The following EXOSC4 variants were observed in gnomAD, a reference collection of about 807,000 sequenced individuals.
The protein encoded by EXOSC4 is exosome complex component RRP41.
EXOSC4 carries 14 observed loss-of-function variants against 20.0 expected under a neutral mutation model. The ratio of observed to expected loss-of-function variants is 0.70; its 90% confidence interval spans 0.46 to 1.09. EXOSC4 has a LOEUF of 1.09. Ranked by LOEUF, EXOSC4 falls within the 50% of genes least tolerant of loss-of-function variation. EXOSC4 has a pLI of 0.00. For synonymous variants in EXOSC4, 148 were observed against 146.4 expected, an observed-to-expected ratio of 1.01 and a Z score of -0.08; for missense variants, 337 against 334.0, an observed-to-expected ratio of 1.01 and a Z score of -0.07.
chr8:144,075,095 T>C (rs1307254359), upstream of EXOSC4, among the ~76,000 whole-genome samples: 3 of 151,482 alleles, frequency 2.0e-5, no homozygotes, highest in Non-Finnish European at 2.9e-5. Flanking sequence ...CAGGGTCTCA[T>C]TCTGTTGCCC....
rs782256108 is a variant in EXOSC4, at chr8:144,080,185, G to C, written c.378+36G>C. ...TGCAGCCGTCAATCCAGGGAGGGAAGGGTGTGATGGGGTTGGGGAGGGAGT... is the reference window on the plus strand; with the variant it reads ...TGCAGCCGTCAATCCAGGGAGGGAACGGTGTGATGGGGTTGGGGAGGGAGT... On this transcript the variant is annotated intron_variant, in intron 2 of 2. Coordinates refer to ENST00000316052, the MANE Select transcript of EXOSC4 (RefSeq NM_019037.3). The surrounding 1 kb of genome is among the most constrained non-coding windows in gnomAD (Gnocchi z 4.9). 3 of 1,607,796 alleles carry C rather than the reference G, an allele frequency of 1.9e-6. No individual in the cohort carries two copies. In the African/African-American group the frequency reaches 4.0e-5, roughly 21 times the overall value.
At position 144,078,927 on chromosome 8, in the gene EXOSC4, G is replaced by T. The variant is rs782711160; in HGVS notation, c.171+28G>T. ...GAGTGGGCGCGCGGGATGGGGAATC[G>T]TGTGGCCGTGGGAGCTGCGGGGCAG... On this transcript the variant is annotated intron_variant, in intron 1 of 2. Transcript: ENST00000316052. This position sits in a 1 kb window ranked among gnomAD's most constrained non-coding sequence, Gnocchi z 4.7. The T allele has an allele frequency of 1.4e-6, 2 of 1,449,322 alleles. No individual in the cohort carries two copies. Among genetic ancestry groups the T allele is most frequent in the African/African-American group, 2.9e-5 (2 of 67,944 alleles). 89.8% of individuals were successfully genotyped at this position (1,449,322 alleles called of 1,614,324 possible).
At chr8:144,065,531 C>T in the EXOSC4 span, among the ~76,000 whole-genome samples, 1 of 151,910 alleles carries the variant, frequency 6.6e-6, no homozygotes, top group Non-Finnish European at 1.5e-5. Context: ...GAGTTCGAGA[C>T]CAACCTGGCC....
In EXOSC4 at chr8:144,080,525, C is replaced by T. The variant is rs1554763355; in HGVS notation, c.662C>T (p.Ala221Val). The change falls in exon 3 of 3, where the codon GCC (alanine) becomes GTC (valine). Residue 221 changes from alanine (A) to valine (V), a missense_variant. Ala to Val is a moderately conservative substitution (Grantham distance 64). Transcript: ENST00000316052. The surrounding 1 kb of genome is among the most constrained non-coding windows in gnomAD (Gnocchi z 4.9). ...ERVLEAAAQA[A>V]RDVHTLLDRV... is the part of the protein sequence containing the mutation. ...GTGTTGGAGGCTGCTGCCCAGGCTG[C>T]CCGAGATGTGCACACCCTCTTAGAT... 6.2e-7 allele frequency: 1 copy of T among 1,603,462 alleles called. No homozygotes were observed. The highest frequency in any genetic ancestry group is 8.5e-7 in the Non-Finnish European group (1 of 1,179,980).
the EXOSC4 span, among the ~76,000 whole-genome samples, chr8:144,064,840 C>CTTTTTT: frequency 7.3e-6 from 1 of 136,696 alleles, no homozygotes; most frequent in Non-Finnish European, 1.6e-5. Context: ...TCCAATCTGT[C>CTTTTTT]TTTTTTTTTT....
chr8:144,074,616 C>T (rs1405800557), upstream of EXOSC4, among the ~76,000 whole-genome samples: 1 of 152,080 alleles, frequency 6.6e-6, no homozygotes, highest in Non-Finnish European at 1.5e-5. Flanking sequence ...GTGGTATGGG[C>T]AGGAGTACCG....
upstream of EXOSC4, among the ~76,000 whole-genome samples, chr8:144,076,497 G>A (rs1044719052): frequency 3.9e-5 from 6 of 152,114 alleles, no homozygotes; most frequent in Non-Finnish European, 7.4e-5. Context: ...GCTGGAGTAC[G>A]AGGGTCAGAG....
chr8:144,078,986 C>T lies in EXOSC4; in HGVS notation c.171+87C>T. 4 of 1,302,052 alleles carry T rather than the reference C, an allele frequency of 3.1e-6. No individual in the cohort carries two copies. Among genetic ancestry groups the T allele is most frequent in the South Asian group, 3.9e-5 (2 of 51,818 alleles). 80.7% of individuals were successfully genotyped at this position (1,302,052 alleles called of 1,614,324 possible). A position where few individuals can be genotyped will look rare whatever the true frequency, so the allele number is the denominator to read the frequency against. On this transcript the variant is annotated intron_variant, in intron 1 of 2. Coordinates refer to ENST00000316052, the MANE Select transcript of EXOSC4 (RefSeq NM_019037.3). The surrounding 1 kb of genome is among the most constrained non-coding windows in gnomAD (Gnocchi z 4.7). ...AGCGCTGGCTCGGGGACTTGAGGGG[C>T]AACGGCCGGCGCGCCTCAGTCTACA...
chr8:144,079,594 A>C, intron 1 of EXOSC4: 4 of 402,758 alleles, frequency 9.9e-6, no homozygotes, highest in Admixed American at 6.6e-5. Context: ...GTGAGGACTT[A>C]GGGTTTTGTA....
intron 1 of EXOSC4, 64 bp from the exon 2 acceptor site, chr8:144,079,879 A>G (rs1228044520): frequency 6.6e-7 from 1 of 1,505,526 alleles, no homozygotes; most frequent in African/African-American, 1.4e-5. Flanking sequence ...AGGCAGACCC[A>G]CAGAGGACAG....
chr8:144,080,599 T>C lies in EXOSC4; in HGVS notation c.736T>C (p.Ter246ArgextTer9), dbSNP rs1835892475. ...VREASILLGD[*>R] is the part of the protein sequence containing the mutation. ...TGAGGCCTCTATCTTGCTGGGGGAC[T>C]GACCACCCAGCCACCCATGTCCAGA... is the stretch of plus-strand genomic sequence containing the variant. Residue 246 changes from the stop codon to arginine (R), a stop_lost, in exon 3 of 3, where the codon TGA becomes CGA. Coordinates refer to ENST00000316052, the MANE Select transcript of EXOSC4 (RefSeq NM_019037.3). This position sits in a 1 kb window ranked among gnomAD's most constrained non-coding sequence, Gnocchi z 4.9. The C allele has an allele frequency of 6.3e-7, 1 of 1,596,458 alleles. No individual in the cohort carries two copies. Among genetic ancestry groups the C allele is most frequent in the South Asian group, 1.1e-5 (1 of 90,988 alleles).
chr8:144,077,301 G>A (rs368332632), upstream of EXOSC4, among the ~76,000 whole-genome samples: 164 of 152,222 alleles, frequency 1.1e-3, 4 homozygotes, highest in South Asian at 0.034. Context: ...GTAAGAACAG[G>A]GACAGTAAGA....
chr8:144,068,720 G>T, the EXOSC4 span, among the ~76,000 whole-genome samples: 2 of 152,222 alleles, frequency 1.3e-5, no homozygotes, highest in African/African-American at 4.8e-5. Context: ...GCTTCCCCCG[G>T]TCCCTGGCTC....
At chr8:144,068,514 G>A in the EXOSC4 span, among the ~76,000 whole-genome samples, 1 of 152,234 alleles carries the variant, frequency 6.6e-6, no homozygotes, top group Non-Finnish European at 1.5e-5. Context: ...CGGGAAGAGT[G>A]TGGGGAAGTG....
chr8:144,078,836 C>T lies in EXOSC4; in HGVS notation c.108C>T (p.Asp36=), dbSNP rs1554763090. The T allele has an allele frequency of 1.3e-6, 2 of 1,580,214 alleles. No individual in the cohort carries two copies. The highest frequency in any genetic ancestry group is 1.7e-6 in the Non-Finnish European group (2 of 1,166,004). Residue 36 remains aspartate (D), a synonymous_variant, in exon 1 of 3, where the codon GAC becomes GAT. Coordinates refer to ENST00000316052, the MANE Select transcript of EXOSC4 (RefSeq NM_019037.3). The surrounding 1 kb of genome is among the most constrained non-coding windows in gnomAD (Gnocchi z 4.7). ...QARMGVFAQA[D]GSAYIEQGNT... is the part of the protein sequence containing the mutation. ...GGATGGGCGTGTTCGCGCAGGCTGACGGCTCGGCCTACATTGAGCAGGGCA... is the reference window on the plus strand; with the variant it reads ...GGATGGGCGTGTTCGCGCAGGCTGATGGCTCGGCCTACATTGAGCAGGGCA...
At chr8:144,066,172 A>T in the EXOSC4 span, among the ~76,000 whole-genome samples, 1 of 151,686 alleles carries the variant, frequency 6.6e-6, no homozygotes, top group African/African-American at 2.4e-5. Flanking sequence ...GCCCGCCACC[A>T]CACCTGGCTG....
chr8:144,074,357 G>GC (rs1564300381), upstream of EXOSC4, among the ~76,000 whole-genome samples: 1 of 152,050 alleles, frequency 6.6e-6, no homozygotes, highest in Non-Finnish European at 1.5e-5. Context: ...CTTGGGCTTA[G>GC]CGGGAACAGT....
At chr8:144,074,892 C>T (rs1279365107), upstream of EXOSC4, among the ~76,000 whole-genome samples, 1 of 152,000 alleles carries the variant, frequency 6.6e-6, no homozygotes, top group Admixed American at 6.6e-5. Flanking sequence ...ACTGTTATGG[C>T]TCATATGTGG....
At chr8:144,079,637 A>G (rs534802423) in intron 1 of EXOSC4, 1 of 512,728 alleles carries the variant, frequency 2.0e-6, no homozygotes, top group African/African-American at 1.9e-5. Flanking sequence ...CTTATTTCAT[A>G]TGTAATGTGA....
Sources: gnomAD v4.1 joint callset for allele counts (sites outside exome capture counted in the v4.1 genomes callset) on GRCh38, gnomAD v4.1.1 for gene constraint, Gnocchi (gnomAD v3.1) non-coding constraint, MANE v1.5 for transcripts, NCBI Gene and HGNC (gene_info 2026-07-23, HGNC 2026-07-21) for gene names.